ARHGAP39: variants seen among roughly 807,000 people sequenced by gnomAD.
The protein encoded by ARHGAP39 is Rho GTPase activating protein 39.
Under a neutral mutation model 106.9 loss-of-function variants are expected in ARHGAP39, and 44 were observed. The ratio of observed to expected loss-of-function variants is 0.41; its 90% CI spans 0.32 to 0.53. The LOEUF is 0.53. Ranked by LOEUF, ARHGAP39 falls within the 20% of genes least tolerant of loss-of-function variation. The probability of loss-of-function intolerance (pLI) is 0.21; values close to 1 mark genes in which losing one functional copy is unlikely to be tolerated. For synonymous variants in ARHGAP39, 768 were observed against 693.2 expected, an observed-to-expected ratio of 1.11 and a Z score of -1.69; for missense variants, 1,496 against 1,577.3, an observed-to-expected ratio of 0.95 and a Z score of 0.87.
Position 144,530,595 on chromosome 8 carries a change from C to T in ARHGAP39, c.3172G>A (p.Val1058Ile). 2.1e-6 allele frequency: 3 copies of T among 1,457,816 alleles called. No individual in the cohort carries two copies. Among genetic ancestry groups the T allele is most frequent in the Non-Finnish European group, 2.8e-6 (3 of 1,085,056 alleles). 90.3% of individuals were successfully genotyped at this position (1,457,816 alleles called of 1,614,324 possible). A position where few individuals can be genotyped will look rare whatever the true frequency, so the allele number is the denominator to read the frequency against. ...FLQVFVQPAN[V>I]AVTKMDVSNL... ...CTGACATCCATCTTGGTGACCGCGA[C>T]GTTGGCCGGCTGCACGAAGACCTGG... Residue 1058 changes from valine (V) to isoleucine (I), a missense_variant, in exon 12 of 12, where the codon GTC becomes ATC. Transcript: ENST00000377307.
rs1036107768 is a variant in ARHGAP39 at position 144,670,315 on chromosome 8, A to AC, written c.-82+15370dup. Among the ~76,000 whole-genome samples the AC allele has an allele frequency of 1.3e-5, 2 of 151,968 alleles. No individual in the cohort carries two copies. Among genetic ancestry groups the AC allele is most frequent in the African/African-American group, 4.8e-5 (2 of 41,358 alleles). On this transcript the variant is annotated intron_variant, in intron 1 of 11. Transcript: ENST00000377307. The surrounding 1 kb of genome is among the most constrained non-coding windows in gnomAD (Gnocchi z 4.4). ...GAGTGTACCGGGAAGCAGGATCAGC[A>AC]CCTGGGACCAGGAGGCTGTGCCCGG...
intron 2 of ARHGAP39, among the ~76,000 whole-genome samples, chr8:144,592,861 C>T (rs536173205): frequency 6.6e-6 from 1 of 152,302 alleles, no homozygotes; most frequent in Non-Finnish European, 1.5e-5. Context: ...CTGCTGGCCC[C>T]GCAGGCTGGC....
rs567891899 is a variant in ARHGAP39, at chr8:144,617,168, C to T, written c.-81-11473G>A. 2.6e-4 allele frequency among the ~76,000 whole-genome samples: 39 copies of T among 151,846 alleles called. No individual in the cohort carries two copies. In the East Asian group the frequency reaches 6.6e-3, roughly 26 times the overall value. ...GTTGCAGTGAGCAGAGATTGTGCCA[C>T]TGTACTCTGGCCTGGGCGACAGAGC... On this transcript the variant is annotated intron_variant, in intron 1 of 11. Transcript: ENST00000377307.
At chr8:144,681,325 G>A (rs770396349) in intron 1 of ARHGAP39, among the ~76,000 whole-genome samples, 5 of 152,200 alleles carry the variant, frequency 3.3e-5, no homozygotes, top group Admixed American at 6.5e-5. Context: ...CCAGCTCTGC[G>A]AGGGAGTCTG....
rs377205139 is a variant in ARHGAP39 at position 144,664,024 on chromosome 8, G to A, written c.-82+21662C>T. Among the ~76,000 whole-genome samples, 23 of 152,110 alleles carry A rather than the reference G, an allele frequency of 1.5e-4. No homozygotes were observed. In the East Asian group the frequency reaches 1.9e-3, roughly 13 times the overall value. The stretch of plus-strand genomic sequence containing the variant: ...GCTACGAAAAATACAACAATTAGCC[G>A]GGCATAGTGGTGTGCACCTGTAGTC... On this transcript the variant is annotated intron_variant, in intron 1 of 11. Transcript: ENST00000377307.
At chr8:144,533,373 A>AC (rs1564833247) in intron 8 of ARHGAP39, 48 bp from the exon 9 acceptor site, 3 of 1,558,348 alleles carry the variant, frequency 1.9e-6, no homozygotes, top group East Asian at 4.6e-5. Context: ...CATCCTCAGG[A>AC]CCCCCCGCCA....
At chr8:144,632,062 C>T (rs573919630) in intron 1 of ARHGAP39, among the ~76,000 whole-genome samples, 1 of 152,330 alleles carries the variant, frequency 6.6e-6, no homozygotes, top group South Asian at 2.1e-4. Flanking sequence ...CTGGGTCTGC[C>T]AGGACCATCA....
chr8:144,571,222 C>G (rs767936617), intron 3 of ARHGAP39, among the ~76,000 whole-genome samples: 1 of 152,096 alleles, frequency 6.6e-6, no homozygotes. Context: ...AACATCGATG[C>G]GAAAATCCTC....
intron 1 of ARHGAP39, among the ~76,000 whole-genome samples, chr8:144,672,853 G>A (rs1057047885): frequency 5.3e-5 from 8 of 152,154 alleles, no homozygotes; most frequent in East Asian, 1.9e-4. Flanking sequence ...CACAGGCAGC[G>A]ATTAAGTCAA....
chr8:144,697,976 G>A, the ARHGAP39 span, among the ~76,000 whole-genome samples: 1 of 152,076 alleles, frequency 6.6e-6, no homozygotes, highest in Non-Finnish European at 1.5e-5. Flanking sequence ...TGGGTCTATA[G>A]ATTCTTTGAG....
At chr8:144,608,186 AAAG>A (rs1321941463) in intron 1 of ARHGAP39, among the ~76,000 whole-genome samples, 4 of 151,690 alleles carry the variant, frequency 2.6e-5, no homozygotes, top group South Asian at 2.1e-4. Flanking sequence ...AAAAAAGGAA[AAAG>A]AAGAAGAAAT....
At chr8:144,673,568 A>G (rs1008687025) in intron 1 of ARHGAP39, among the ~76,000 whole-genome samples, 2 of 152,166 alleles carry the variant, frequency 1.3e-5, no homozygotes, top group African/African-American at 4.8e-5. Flanking sequence ...GCAACCACTA[A>G]TCTACTTTCT....
intron 7 of ARHGAP39, among the ~76,000 whole-genome samples, chr8:144,535,814 G>A (rs1484636859): frequency 6.6e-6 from 1 of 152,248 alleles, no homozygotes; most frequent in Non-Finnish European, 1.5e-5. Flanking sequence ...TCATAATGCA[G>A]TCTCTCTGTG....
intron 1 of ARHGAP39, among the ~76,000 whole-genome samples, chr8:144,680,624 CAA>C (rs1822386245): frequency 6.6e-6 from 1 of 151,718 alleles, no homozygotes; most frequent in Admixed American, 6.6e-5. Context: ...TTTAAAACTA[CAA>C]AACAATACTT....
At chr8:144,535,749 A>G (rs1037759807) in intron 7 of ARHGAP39, among the ~76,000 whole-genome samples, 3 of 152,204 alleles carry the variant, frequency 2.0e-5, no homozygotes, top group African/African-American at 7.2e-5. Context: ...GACACCCTCC[A>G]ACACTCTGTG....
At position 144,530,689 on chromosome 8, in the gene ARHGAP39, G is replaced by C. The variant is rs750929844; in HGVS notation, c.3150+13C>G. 1.3e-6 allele frequency: 2 copies of C among 1,581,144 alleles called. No individual in the cohort carries two copies. Among genetic ancestry groups the C allele is most frequent in the Non-Finnish European group, 1.7e-6 (2 of 1,162,194 alleles). On this transcript the variant is annotated intron_variant, in intron 11 of 11. Coordinates refer to ENST00000377307, the MANE Select transcript of ARHGAP39 (RefSeq NM_025251.3). ...GAGGGGAAAGCAGCGGGGACCCCCG[G>C]GGAGGGAAGTACCTGCAGGAAGCGG...
Position 144,547,932 on chromosome 8 carries a change from A to C in ARHGAP39, c.1154T>G (p.Leu385Arg). 1 of 1,591,002 alleles carries C rather than the reference A, an allele frequency of 6.3e-7. No individual in the cohort carries two copies. The highest frequency in any genetic ancestry group is 8.6e-7 in the Non-Finnish European group (1 of 1,169,230). The change falls in exon 5 of 12, where the codon CTG (leucine) becomes CGG (arginine). Residue 385 changes from leucine to arginine, a missense_variant. Physicochemically the swap from Leu to Arg is moderately radical, Grantham distance 102. Coordinates refer to ENST00000377307, the MANE Select transcript of ARHGAP39 (RefSeq NM_025251.3). This position sits in a 1 kb window ranked among gnomAD's most constrained non-coding sequence, Gnocchi z 5.2. ...KQKCPERFLS[L>R]EYSPAGKEYV... ...CTCCTTGCCGGCGGGACTGTACTCC[A>C]GGCTCAGGAAGCGCTCGGGACACTT...
At chr8:144,593,585 C>T (rs1819487113) in intron 2 of ARHGAP39, among the ~76,000 whole-genome samples, 1 of 152,140 alleles carries the variant, frequency 6.6e-6, no homozygotes, top group African/African-American at 2.4e-5. Flanking sequence ...CAGACTTCAT[C>T]AAAATTAAAA....
chr8:144,687,434 T>C (rs62529946), upstream of ARHGAP39, among the ~76,000 whole-genome samples: 10 of 52 alleles, frequency 0.19, 5 homozygotes, highest in African/African-American at 0.33. Flanking sequence ...GCGGTGAGCA[T>C]TTCCCACCCC....
Sources: allele counts gnomAD v4.1 joint callset (sites outside exome capture counted in the v4.1 genomes callset), GRCh38; gene constraint gnomAD v4.1.1; non-coding constraint Gnocchi (gnomAD v3.1); transcripts MANE v1.5; gene names NCBI Gene and HGNC (gene_info 2026-07-23, HGNC 2026-07-21).